GBF1: variants seen among roughly 807,000 people sequenced by gnomAD.
GBF1 encodes the protein Golgi-specific brefeldin A-resistance guanine nucleotide exchange factor 1.
In GBF1, 114 loss-of-function variants were observed where a neutral mutation model predicts 210.5. The ratio of observed to expected loss-of-function variants is 0.54; its 90% CI spans 0.47 to 0.63. The LOEUF (loss-of-function observed/expected upper bound fraction) is 0.63. Among genes scored for constraint, GBF1 ranks in the 30% least tolerant of loss-of-function variants. GBF1 has a pLI of 0.00. For missense variants in GBF1, 1,851 were observed against 2,357.7 expected, an observed-to-expected ratio of 0.79 and a Z score of 4.45; for synonymous variants, 850 against 889.2, an observed-to-expected ratio of 0.96 and a Z score of 0.78.
chr10:102,341,983 C>T (rs2058212266), intron 3 of GBF1, among the ~76,000 whole-genome samples: 1 of 151,692 alleles, frequency 6.6e-6, no homozygotes, highest in South Asian at 2.1e-4. Context: ...CCAAATTGTA[C>T]ATAATTCATG....
At chr10:102,350,671 TA>T (rs1240646828) in intron 4 of GBF1, among the ~76,000 whole-genome samples, 2 of 152,142 alleles carry the variant, frequency 1.3e-5, no homozygotes, top group African/African-American at 2.4e-5. Context: ...GGGGTCTTGT[TA>T]GAAACACAAA....
intron 3 of GBF1, among the ~76,000 whole-genome samples, chr10:102,320,957 G>T (rs1392752130): frequency 6.6e-6 from 1 of 151,542 alleles, no homozygotes; most frequent in Non-Finnish European, 1.5e-5. Flanking sequence ...CACCACGCCC[G>T]GCTAGTTTTT....
At chr10:102,296,068 C>T (rs762556368) in intron 3 of GBF1, among the ~76,000 whole-genome samples, 5 of 152,228 alleles carry the variant, frequency 3.3e-5, no homozygotes, top group Non-Finnish European at 7.4e-5. Context: ...AAGCAAAACA[C>T]ATCTATGGAC....
chr10:102,342,401 ACACACACT>A (rs2058258326), intron 3 of GBF1, among the ~76,000 whole-genome samples: 1 of 151,566 alleles, frequency 6.6e-6, no homozygotes, highest in South Asian at 2.1e-4. Flanking sequence ...ACACACACAC[ACACACACT>A]CACACACAGA....
intron 3 of GBF1, among the ~76,000 whole-genome samples, chr10:102,275,763 A>T (rs926801265): frequency 6.6e-6 from 1 of 152,154 alleles, no homozygotes; most frequent in Non-Finnish European, 1.5e-5. Context: ...CTCTGATAGG[A>T]TCCTTGTTCC....
chr10:102,347,912 T>A (rs1280264218), intron 4 of GBF1, among the ~76,000 whole-genome samples: 1 of 152,140 alleles, frequency 6.6e-6, no homozygotes, highest in Non-Finnish European at 1.5e-5. Context: ...CAAAGACCTG[T>A]CACTCTAGTC....
chr10:102,253,829 A>AGTGTTT (rs1283543400), intron 1 of GBF1, among the ~76,000 whole-genome samples: 1 of 152,210 alleles, frequency 6.6e-6, no homozygotes, highest in Non-Finnish European at 1.5e-5. Flanking sequence ...TCAGATTTAA[A>AGTGTTT]GTGTTTTGCT....
rs374877329 is a variant in GBF1, at chr10:102,255,378, C to G, written c.-10-3551C>G. Among the ~76,000 whole-genome samples, 6 of 152,180 alleles carry G rather than the reference C, an allele frequency of 3.9e-5. No homozygotes were observed. The East Asian group carries it at 1.2e-3, about 29-fold the overall frequency. On this transcript the variant is annotated intron_variant, in intron 1 of 39. Transcript: ENST00000369983. ...TTTTTACAATGATTTTTTGCTTAGA[C>G]CTTTGCTGTCTTAGAAAGTGGTTAC... is the stretch of plus-strand genomic sequence containing the variant.
At chr10:102,280,051 G>A (rs2075341161) in intron 3 of GBF1, among the ~76,000 whole-genome samples, 1 of 151,838 alleles carries the variant, frequency 6.6e-6, no homozygotes, top group Non-Finnish European at 1.5e-5. Flanking sequence ...TTGAACCCCA[G>A]AAATCAAGGC....
chr10:102,343,063 A>G (rs2058306921), intron 3 of GBF1, among the ~76,000 whole-genome samples: 1 of 152,206 alleles, frequency 6.6e-6, no homozygotes, highest in Non-Finnish European at 1.5e-5. Flanking sequence ...AAGATTATCA[A>G]TTGCCCCTTC....
chr10:102,370,518 C>G (rs371058556), intron 28 of GBF1, 40 bp downstream of exon 28: 1 of 1,511,632 alleles, frequency 6.6e-7, no homozygotes, highest in African/African-American at 1.4e-5. Context: ...CCATGCTGGG[C>G]TTGTGCCAAA....
chr10:102,230,997 C>A, the GBF1 span: 2 of 1,600,514 alleles, frequency 1.2e-6, no homozygotes, highest in Non-Finnish European at 1.7e-6. Context: ...CCTCGTAGGG[C>A]GGCACCAGCC....
intron 33 of GBF1, 116 bp downstream of exon 33, chr10:102,377,256 G>A: frequency 2.8e-6 from 2 of 710,376 alleles, no homozygotes; most frequent in Middle Eastern, 3.9e-4. Context: ...CCCAGGCCCT[G>A]GACCACCATC....
chr10:102,333,996 T>A (rs1208957834), intron 3 of GBF1, among the ~76,000 whole-genome samples: 3 of 152,150 alleles, frequency 2.0e-5, no homozygotes, highest in African/African-American at 7.2e-5. Flanking sequence ...GAGGGGTAAA[T>A]GAACTAATTT....
chr10:102,293,776 T>TTTTTTTTTTC, intron 3 of GBF1, among the ~76,000 whole-genome samples: 1 of 28,220 alleles, frequency 3.5e-5, no homozygotes, highest in Non-Finnish European at 6.0e-5. Context: ...TTTGTGTTTT[T>TTTTTTTTTTC]TTTTTTTTTT....
intron 3 of GBF1, among the ~76,000 whole-genome samples, chr10:102,283,618 AC>A (rs1483619476): frequency 6.6e-6 from 1 of 152,172 alleles, no homozygotes; most frequent in Non-Finnish European, 1.5e-5. Context: ...TAGACCTCAT[AC>A]TCTGAAAATG....
chr10:102,371,999 C>T (rs971759125), intron 29 of GBF1, among the ~76,000 whole-genome samples: 1 of 151,058 alleles, frequency 6.6e-6, no homozygotes, highest in Non-Finnish European at 1.5e-5. Context: ...GGGTGGATCA[C>T]GAGGTCAGGA....
chr10:102,290,180 A>T (rs950558637), intron 3 of GBF1, among the ~76,000 whole-genome samples: 3 of 152,214 alleles, frequency 2.0e-5, no homozygotes, highest in African/African-American at 2.4e-5. Flanking sequence ...TAATAGTTTA[A>T]TCAGTATGCC....
chr10:102,323,672 C>T (rs755153804), intron 3 of GBF1, among the ~76,000 whole-genome samples: 17 of 151,382 alleles, frequency 1.1e-4, no homozygotes, highest in Non-Finnish European at 2.2e-4. Context: ...TCCCTAAGAG[C>T]TGGGATTACA....
Sources: allele counts gnomAD v4.1 joint callset (sites outside exome capture counted in the v4.1 genomes callset), GRCh38; gene constraint gnomAD v4.1.1; transcripts MANE v1.5; gene names NCBI Gene and HGNC (gene_info 2026-07-23, HGNC 2026-07-21).